Variants in MMP16 observed in about 807,000 individuals in gnomAD.
The protein encoded by MMP16 is matrix metallopeptidase 16.
MMP16 carries 12 observed loss-of-function variants against 67.8 expected under a neutral mutation model. That is an observed-to-expected ratio of 0.18 (90% CI 0.11 to 0.29). The LOEUF (loss-of-function observed/expected upper bound fraction) is 0.29, where lower values mean the gene tolerates loss of function less well. Among genes scored for constraint, MMP16 ranks in the 10% least tolerant of loss-of-function variants. MMP16 has a pLI of 1.00. For synonymous variants in MMP16, 249 were observed against 255.9 expected (o/e 0.97, Z 0.26); for missense variants, 475 against 765.7 (o/e 0.62, Z 4.48).
intron 3 of MMP16, among the ~76,000 whole-genome samples, chr8:88,171,672 C>T (rs947189866): frequency 2.0e-5 from 3 of 151,886 alleles, no homozygotes; most frequent in Admixed American, 6.6e-5. Flanking sequence ...ATAGGTTTTG[C>T]TATGTAAAGT....
chr8:88,074,339 A>C (rs1023762320), intron 7 of MMP16, among the ~76,000 whole-genome samples: 1 of 152,178 alleles, frequency 6.6e-6, no homozygotes, highest in African/African-American at 2.4e-5. Flanking sequence ...ATGGCTATAT[A>C]TCTATTAATC....
chr8:88,303,158 G>A (rs1389466827), intron 1 of MMP16, among the ~76,000 whole-genome samples: 1 of 152,196 alleles, frequency 6.6e-6, no homozygotes, highest in Non-Finnish European at 1.5e-5. Context: ...CTGGCAAGGA[G>A]GGAGATACAA....
intron 4 of MMP16, among the ~76,000 whole-genome samples, chr8:88,124,505 A>G (rs1417263809): frequency 2.0e-5 from 3 of 151,890 alleles, no homozygotes; most frequent in Admixed American, 6.6e-5. Flanking sequence ...TGCTAAGAAA[A>G]CGCACTTCTC....
intron 1 of MMP16, among the ~76,000 whole-genome samples, chr8:88,324,114 T>C (rs1811502194): frequency 6.6e-6 from 1 of 152,180 alleles, no homozygotes; most frequent in African/African-American, 2.4e-5. Context: ...GAAATGAAAG[T>C]AGAGCAGTGT....
intron 1 of MMP16, among the ~76,000 whole-genome samples, chr8:88,206,826 T>G (rs1284039083): frequency 6.6e-6 from 1 of 152,160 alleles, no homozygotes; most frequent in Non-Finnish European, 1.5e-5. Flanking sequence ...CACTTAAAGA[T>G]GAAGTTTTCA....
At chr8:88,253,260 A>G (rs1005493118) in intron 1 of MMP16, among the ~76,000 whole-genome samples, 23 of 152,114 alleles carry the variant, frequency 1.5e-4, no homozygotes, top group African/African-American at 4.8e-4. Flanking sequence ...GCCCTCATAC[A>G]TAAGTATTAT....
At chr8:88,197,328 C>A in intron 1 of MMP16, 22 bp from the exon 2 acceptor site, 1 of 1,518,666 alleles carries the variant, frequency 6.6e-7, no homozygotes, top group Non-Finnish European at 8.8e-7. Context: ...AGTACAGTTT[C>A]TTTTAGATCA....
intron 1 of MMP16, among the ~76,000 whole-genome samples, chr8:88,228,988 C>T (rs963178831): frequency 6.7e-6 from 1 of 149,872 alleles, no homozygotes; most frequent in South Asian, 2.1e-4. Flanking sequence ...TCTATGACCT[C>T]GTCTCTATGA....
intron 3 of MMP16, among the ~76,000 whole-genome samples, chr8:88,174,353 T>C (rs1264506453): frequency 6.6e-6 from 1 of 152,190 alleles, no homozygotes; most frequent in East Asian, 1.9e-4. Context: ...TTTATTAATA[T>C]TCAACAATTG....
chr8:88,156,674 T>C (rs1808514354), intron 4 of MMP16, among the ~76,000 whole-genome samples: 1 of 152,104 alleles, frequency 6.6e-6, no homozygotes, highest in Non-Finnish European at 1.5e-5. Context: ...GCAATAAGGC[T>C]ATTAAATCAT....
At chr8:88,177,618 T>G (rs1808913777) in intron 3 of MMP16, among the ~76,000 whole-genome samples, 2 of 152,192 alleles carry the variant, frequency 1.3e-5, no homozygotes, top group Admixed American at 6.5e-5. Flanking sequence ...GCAACAATTT[T>G]GAAATAATGC....
At chr8:88,113,649 G>A (rs941928711) in intron 6 of MMP16, among the ~76,000 whole-genome samples, 2 of 151,926 alleles carry the variant, frequency 1.3e-5, no homozygotes, top group African/African-American at 4.8e-5. Context: ...GAGAAATTAG[G>A]AGACCAATAA....
At chr8:88,291,666 A>T (rs1810927855) in intron 1 of MMP16, among the ~76,000 whole-genome samples, 1 of 152,224 alleles carries the variant, frequency 6.6e-6, no homozygotes, top group Non-Finnish European at 1.5e-5. Context: ...GAACAAATTA[A>T]TAAAAGCTGC....
At chr8:88,074,360 T>C (rs1410718022) in intron 7 of MMP16, among the ~76,000 whole-genome samples, 1 of 152,162 alleles carries the variant, frequency 6.6e-6, no homozygotes, top group Non-Finnish European at 1.5e-5. Context: ...TTTTTTTTAG[T>C]ACTTTTAAGT....
At chr8:88,222,830 C>T (rs1212604962) in intron 1 of MMP16, among the ~76,000 whole-genome samples, 1 of 152,010 alleles carries the variant, frequency 6.6e-6, no homozygotes, top group Non-Finnish European at 1.5e-5. Flanking sequence ...GCAACAAAAG[C>T]CAAAACAGAC....
chr8:88,216,523 G>GA (rs1809597236), intron 1 of MMP16, among the ~76,000 whole-genome samples: 1 of 152,084 alleles, frequency 6.6e-6, no homozygotes, highest in Non-Finnish European at 1.5e-5. Context: ...CATAGCAAAA[G>GA]AGTCCATTTC....
At chr8:88,155,199 A>G (rs1188055662) in intron 4 of MMP16, among the ~76,000 whole-genome samples, 1 of 152,100 alleles carries the variant, frequency 6.6e-6, no homozygotes, top group Non-Finnish European at 1.5e-5. Flanking sequence ...AGGACACATG[A>G]TTTCTAAAAC....
chr8:88,067,810 T>C (rs1291293525), intron 7 of MMP16, among the ~76,000 whole-genome samples: 4 of 152,150 alleles, frequency 2.6e-5, no homozygotes, highest in Non-Finnish European at 4.4e-5. Flanking sequence ...AGTTTACTCA[T>C]TTACCTGTTG....
At chr8:88,149,694 A>G (rs1187030431) in intron 4 of MMP16, among the ~76,000 whole-genome samples, 1 of 151,618 alleles carries the variant, frequency 6.6e-6, no homozygotes, top group Non-Finnish European at 1.5e-5. Flanking sequence ...GGACATCCAC[A>G]CCAAAAACCC....
Sources: allele counts gnomAD v4.1 joint callset (sites outside exome capture counted in the v4.1 genomes callset), GRCh38; gene constraint gnomAD v4.1.1; transcripts MANE v1.5; gene names NCBI Gene and HGNC (gene_info 2026-07-23, HGNC 2026-07-21).